OLFM3: variants seen among roughly 807,000 people sequenced by gnomAD.
The protein encoded by OLFM3 is noelin-3.
In OLFM3, 20 loss-of-function variants were observed where a neutral mutation model predicts 48.6. The observed-to-expected ratio is 0.41, with a 90% CI of 0.29 to 0.60. The LOEUF (loss-of-function observed/expected upper bound fraction) is 0.60. Among genes scored for constraint, OLFM3 ranks in the 20% least tolerant of loss-of-function variants. OLFM3 has a pLI of 0.28. For missense variants in OLFM3, 437 were observed against 544.3 expected (o/e 0.80, Z 1.96); for synonymous variants, 222 against 198.1 (o/e 1.12, Z -1.01).
intron 4 of OLFM3, among the ~76,000 whole-genome samples, chr1:101,822,277 T>C (rs933657683): frequency 1.3e-5 from 2 of 152,126 alleles, no homozygotes; most frequent in Admixed American, 6.6e-5. Context: ...ATTTATAAAA[T>C]TGAGCAAATC....
chr1:101,807,477 A>T (rs929924102), intron 4 of OLFM3, among the ~76,000 whole-genome samples: 1 of 151,806 alleles, frequency 6.6e-6, no homozygotes, highest in Non-Finnish European at 1.5e-5. Context: ...TTTTTTGGAA[A>T]GAAAAGAACA....
At chr1:101,823,192 G>A (rs1425467866) in intron 4 of OLFM3, among the ~76,000 whole-genome samples, 4 of 151,786 alleles carry the variant, frequency 2.6e-5, no homozygotes, top group East Asian at 1.9e-4. Context: ...TCTTGTCCTC[G>A]GAAAAAAAGT....
chr1:101,879,494 G>GTT (rs1657434943), intron 1 of OLFM3, among the ~76,000 whole-genome samples: 1 of 151,564 alleles, frequency 6.6e-6, no homozygotes, highest in African/African-American at 2.4e-5. Flanking sequence ...ATTGATATTG[G>GTT]TTTCATATTT....
intron 1 of OLFM3, among the ~76,000 whole-genome samples, chr1:101,898,213 C>A (rs1658269176): frequency 6.6e-6 from 1 of 152,012 alleles, no homozygotes; most frequent in Admixed American, 6.6e-5. Context: ...TATTTTTGAG[C>A]AATCATTATA....
At chr1:101,828,163 G>GT (rs1654978298) in intron 3 of OLFM3, among the ~76,000 whole-genome samples, 1 of 152,094 alleles carries the variant, frequency 6.6e-6, no homozygotes, top group South Asian at 2.1e-4. Flanking sequence ...ATGCAGAACT[G>GT]TAAGTCAATT....
chr1:101,939,495 A>G (rs1175334417), intron 1 of OLFM3, among the ~76,000 whole-genome samples: 1 of 152,100 alleles, frequency 6.6e-6, no homozygotes, highest in Non-Finnish European at 1.5e-5. Flanking sequence ...ACTCTCTGTA[A>G]GAGGCTTATG....
chr1:101,865,723 G>T (rs1458738755), intron 1 of OLFM3, among the ~76,000 whole-genome samples: 3 of 152,192 alleles, frequency 2.0e-5, no homozygotes, highest in Non-Finnish European at 4.4e-5. Context: ...GACACTGGCT[G>T]TAGTGCTATC....
chr1:101,818,445 T>C (rs1326661498), intron 4 of OLFM3, among the ~76,000 whole-genome samples: 1 of 152,154 alleles, frequency 6.6e-6, no homozygotes, highest in Admixed American at 6.6e-5. Flanking sequence ...CATTCTATTT[T>C]ACAACCTAGA....
intron 1 of OLFM3, among the ~76,000 whole-genome samples, chr1:101,954,930 T>C (rs903593633): frequency 2.6e-5 from 4 of 152,066 alleles, no homozygotes; most frequent in Admixed American, 2.6e-4. Flanking sequence ...TTTAAGTGTA[T>C]GGATATGTGT....
At chr1:101,836,763 A>G (rs1316128941) in intron 2 of OLFM3, 116 bp downstream of exon 2, 9 of 1,065,106 alleles carry the variant, frequency 8.4e-6, no homozygotes, top group Non-Finnish European at 1.3e-5. Context: ...AGCTTATCTG[A>G]GAAGGGGGAC....
Position 101,847,017 on chromosome 1 carries a change from C to T in OLFM3, c.70-9992G>A, listed in dbSNP as rs114601662. ...TTTTCATAGTGACTGATTAAGATCC[C>T]GGTGCCGGGCTGGCAGCGGGAGGCG... On this transcript the variant is annotated intron_variant, in intron 1 of 5. Transcript: ENST00000370103. 2.6e-3 allele frequency: 4,096 copies of T among 1,566,368 alleles called. 95 individuals are homozygous for T. In the African/African-American group the frequency reaches 0.044, roughly 17 times the overall value.
intron 1 of OLFM3, among the ~76,000 whole-genome samples, chr1:101,896,670 A>ATT (rs3079210): frequency 1.1e-4 from 12 of 105,698 alleles, no homozygotes; most frequent in Non-Finnish European, 1.7e-4. Context: ...GATTTTTTGT[A>ATT]TTTTTTTTTT....
chr1:101,984,411 C>G lies in OLFM3; in HGVS notation c.69+12337G>C, dbSNP rs528336454. ...AGGGCTGTGTGTAATCCTTTGAAAG[C>G]CTTCTTCAATAAGCAGTGCTCTGTC... is the stretch of plus-strand genomic sequence containing the variant. On this transcript the variant is annotated intron_variant, in intron 1 of 5. Transcript: ENST00000370103. Among the ~76,000 whole-genome samples the G allele has an allele frequency of 7.9e-5, 12 of 152,154 alleles. No individual in the cohort carries two copies. In the South Asian group the frequency reaches 2.5e-3, roughly 32 times the overall value.
chr1:101,920,936 T>C (rs1450871611), intron 1 of OLFM3, among the ~76,000 whole-genome samples: 1 of 152,202 alleles, frequency 6.6e-6, no homozygotes, highest in East Asian at 1.9e-4. Flanking sequence ...AAGTTTTTTC[T>C]TTGTGTTTTT....
chr1:101,857,091 TACTCCAAAA>T (rs1656452689), intron 1 of OLFM3, among the ~76,000 whole-genome samples: 2 of 152,036 alleles, frequency 1.3e-5, no homozygotes. Flanking sequence ...CTTGGTCCTA[TACTCCAAAA>T]GACATTTATG....
intron 1 of OLFM3, among the ~76,000 whole-genome samples, chr1:101,842,346 C>T (rs1655765953): frequency 6.6e-6 from 1 of 152,008 alleles, no homozygotes; most frequent in Non-Finnish European, 1.5e-5. Flanking sequence ...CCAGCCTGGG[C>T]AGCATAATGA....
chr1:101,946,295 T>TA (rs1199780143), intron 1 of OLFM3, among the ~76,000 whole-genome samples: 1 of 152,220 alleles, frequency 6.6e-6, no homozygotes, highest in Admixed American at 6.5e-5. Flanking sequence ...AAATAACACT[T>TA]ATGTGTTAGA....
chr1:101,867,471 A>G (rs1170255857), intron 1 of OLFM3, among the ~76,000 whole-genome samples: 11 of 152,224 alleles, frequency 7.2e-5, no homozygotes, highest in Non-Finnish European at 1.2e-4. Flanking sequence ...AAGTCAATCT[A>G]GACTAGAATA....
At position 101,869,119 on chromosome 1, in the gene OLFM3, G is replaced by T. The variant is rs553788728; in HGVS notation, c.70-32094C>A. Among the ~76,000 whole-genome samples, 151 of 152,300 alleles carry T rather than the reference G, an allele frequency of 9.9e-4. No individual in the cohort carries two copies. The South Asian group carries it at 0.016, about 16-fold the overall frequency. ...AGTTCCCACTGGAGCACTACCTGTT[G>T]GACCTGTAAGAAGATGGTCACCATC... is the stretch of plus-strand genomic sequence containing the variant. On this transcript the variant is annotated intron_variant, in intron 1 of 5. Transcript: ENST00000370103.
Sources: allele counts gnomAD v4.1 joint callset (sites outside exome capture counted in the v4.1 genomes callset), GRCh38; gene constraint gnomAD v4.1.1; transcripts MANE v1.5; gene names NCBI Gene and HGNC (gene_info 2026-07-23, HGNC 2026-07-21).